Variants in CHSY1 observed in about 807,000 individuals in gnomAD.
The protein encoded by CHSY1 is chondroitin sulfate synthase 1.
CHSY1 carries 13 observed loss-of-function variants against 59.8 expected under a neutral mutation model. That is an observed-to-expected ratio of 0.22 (90% CI 0.14 to 0.35). The LOEUF is 0.35. CHSY1 is among the 10% of genes least tolerant of loss of function. The pLI, the probability that CHSY1 is intolerant of heterozygous loss-of-function variation, is 1.00. For synonymous variants in CHSY1, 459 were observed against 401.2 expected (o/e 1.14, Z -1.72); for missense variants, 947 against 1,030.6 (o/e 0.92, Z 1.11).
At chr15:101,203,800 A>G (rs1468284538) in intron 2 of CHSY1, among the ~76,000 whole-genome samples, 2 of 152,160 alleles carry the variant, frequency 1.3e-5, no homozygotes, top group Non-Finnish European at 2.9e-5. Flanking sequence ...AAAATAACTC[A>G]TCTGTACTTT....
chr15:101,237,791 A>ACTT (rs1432748034), intron 1 of CHSY1, among the ~76,000 whole-genome samples: 2 of 152,256 alleles, frequency 1.3e-5, no homozygotes, highest in African/African-American at 4.8e-5. Context: ...CATACAGACT[A>ACTT]CTTCCAAGAA....
intron 2 of CHSY1, among the ~76,000 whole-genome samples, chr15:101,201,026 C>T (rs1219624824): frequency 1.3e-5 from 2 of 151,232 alleles, no homozygotes; most frequent in Non-Finnish European, 2.9e-5. Flanking sequence ...CTGTGGGAGC[C>T]TGTACACCTT....
intron 2 of CHSY1, among the ~76,000 whole-genome samples, chr15:101,231,554 G>A (rs1459653112): frequency 2.0e-5 from 3 of 152,110 alleles, no homozygotes; most frequent in African/African-American, 7.2e-5. Flanking sequence ...ATCCACCTTT[G>A]CCTATCTCCA....
At chr15:101,241,231 C>T (rs1354687602) in intron 1 of CHSY1, among the ~76,000 whole-genome samples, 1 of 152,214 alleles carries the variant, frequency 6.6e-6, no homozygotes, top group Non-Finnish European at 1.5e-5. Context: ...GCTGGGATTA[C>T]AGGCACCTGC....
intron 2 of CHSY1, among the ~76,000 whole-genome samples, chr15:101,226,010 C>A (rs2038838527): frequency 6.6e-6 from 1 of 152,196 alleles, no homozygotes; most frequent in Non-Finnish European, 1.5e-5. Context: ...TGTTCATGTA[C>A]CTGGAGAAGG....
intron 2 of CHSY1, among the ~76,000 whole-genome samples, chr15:101,200,414 T>G (rs1190151618): frequency 1.3e-5 from 2 of 152,226 alleles, no homozygotes; most frequent in Non-Finnish European, 2.9e-5. Context: ...GCAAGTCTCC[T>G]GACTAATTTG....
chr15:101,207,659 T>A (rs577781210), intron 2 of CHSY1, among the ~76,000 whole-genome samples: 1 of 152,252 alleles, frequency 6.6e-6, no homozygotes, highest in South Asian at 2.1e-4. Flanking sequence ...AGAAAATAGA[T>A]CTTCCAGAAT....
Position 101,177,997 on chromosome 15 carries a change from C to A in CHSY1, c.1800G>T (p.Gln600His). ...YRIKYPKADM[Q>H]ILPVSGEFSR... ...AAAACTCTCCAGACACAGGCAAAAT[C>A]TGCATGTCGGCTTTAGGGTACTTAA... is the stretch of plus-strand genomic sequence containing the variant. The change falls in exon 3 of 3, where the codon CAG becomes CAT. Residue 600 changes from glutamine (Q) to histidine (H), a missense_variant. Gln to His is a conservative substitution (Grantham distance 24). Transcript: ENST00000254190. 6.2e-7 allele frequency: 1 copy of A among 1,614,208 alleles called. No homozygotes were observed. The highest frequency in any genetic ancestry group is 8.5e-7 in the Non-Finnish European group (1 of 1,180,038).
chr15:101,205,993 C>T (rs1181451230), intron 2 of CHSY1, among the ~76,000 whole-genome samples: 3 of 152,140 alleles, frequency 2.0e-5, no homozygotes, highest in Non-Finnish European at 4.4e-5. Context: ...TGCTCTACCC[C>T]ATGATCCTGG....
intron 2 of CHSY1, among the ~76,000 whole-genome samples, chr15:101,183,512 A>G (rs1319846405): frequency 6.6e-6 from 1 of 152,236 alleles, no homozygotes; most frequent in South Asian, 2.1e-4. Flanking sequence ...CAGTGAGAAC[A>G]GCAAAAGATG....
At chr15:101,249,217 G>A (rs2039082539) in intron 1 of CHSY1, among the ~76,000 whole-genome samples, 1 of 151,980 alleles carries the variant, frequency 6.6e-6, no homozygotes, top group Admixed American at 6.6e-5. Context: ...AGATAAGGGA[G>A]TTACCTAATT....
At chr15:101,235,850 C>T (rs2038935552) in intron 1 of CHSY1, among the ~76,000 whole-genome samples, 1 of 152,036 alleles carries the variant, frequency 6.6e-6, no homozygotes, top group Non-Finnish European at 1.5e-5. Context: ...TGCCAGGGGA[C>T]CAAGGTCTGG....
chr15:101,240,778 C>A lies in CHSY1; in HGVS notation c.321-5201G>T, dbSNP rs187509320. Among the ~76,000 whole-genome samples the A allele has an allele frequency of 2.6e-4, 39 of 152,310 alleles. 1 individual carries two copies. The East Asian group carries it at 4.4e-3, about 17-fold the overall frequency. Reference sequence around the variant, plus strand: ...TTGAGCGGGATATAAATAACTCCCACAAGCTTAGCGTTCCAATAATGGAAC... The same window carrying A: ...TTGAGCGGGATATAAATAACTCCCAAAAGCTTAGCGTTCCAATAATGGAAC... On this transcript the variant is annotated intron_variant, in intron 1 of 2. Transcript: ENST00000254190.
intron 1 of CHSY1, among the ~76,000 whole-genome samples, chr15:101,240,515 G>A (rs1456490008): frequency 1.3e-5 from 2 of 152,236 alleles, no homozygotes; most frequent in Non-Finnish European, 2.9e-5. Context: ...ATGAACTGAT[G>A]TCCAACCCTT....
chr15:101,198,753 C>G (rs1235440990), intron 2 of CHSY1, among the ~76,000 whole-genome samples: 1 of 152,246 alleles, frequency 6.6e-6, no homozygotes, highest in Non-Finnish European at 1.5e-5. Context: ...TGGCCAAAAT[C>G]CCCCATTAAA....
In CHSY1 at chr15:101,177,705, T is replaced by C. The variant is rs140355306; in HGVS notation, c.2092A>G (p.Ile698Val). Residue 698 changes from isoleucine (I) to valine (V), a missense_variant, in exon 3 of 3, where the codon ATT (isoleucine) becomes GTT (valine). Ile to Val is a conservative substitution (Grantham distance 29). Coordinates refer to ENST00000254190, the MANE Select transcript of CHSY1 (RefSeq NM_014918.5). The part of the protein sequence containing the change: ...WRNYGFGITC[I>V]YKGDLVRVGG... ...ACTCGGACAAGATCTCCCTTATAAA[T>C]ACACGTGATGCCAAACCCATAGTTT... is the stretch of plus-strand genomic sequence containing the variant. 60 of 1,614,092 alleles carry C rather than the reference T, an allele frequency of 3.7e-5. No homozygotes were observed. Among genetic ancestry groups the C allele is most frequent in the Non-Finnish European group, 4.7e-5 (55 of 1,180,036 alleles).
At chr15:101,196,245 AAC>A (rs1221471350) in intron 2 of CHSY1, among the ~76,000 whole-genome samples, 5 of 151,748 alleles carry the variant, frequency 3.3e-5, no homozygotes, top group African/African-American at 7.3e-5. Flanking sequence ...AAAAAAAAAA[AAC>A]ATATATGTAA....
At chr15:101,248,713 A>C (rs893016784) in intron 1 of CHSY1, among the ~76,000 whole-genome samples, 2 of 152,258 alleles carry the variant, frequency 1.3e-5, no homozygotes, top group African/African-American at 4.8e-5. Flanking sequence ...CAAAAGTAAG[A>C]GCGTTAAGCT....
At chr15:101,216,913 G>A (rs1047828060) in intron 2 of CHSY1, among the ~76,000 whole-genome samples, 4 of 152,178 alleles carry the variant, frequency 2.6e-5, no homozygotes, top group African/African-American at 7.2e-5. Context: ...GGTCAGGAGC[G>A]GGGGTCCCAG....
Sources: allele counts gnomAD v4.1 joint callset (sites outside exome capture counted in the v4.1 genomes callset), GRCh38; gene constraint gnomAD v4.1.1; transcripts MANE v1.5; gene names NCBI Gene and HGNC (gene_info 2026-07-23, HGNC 2026-07-21).